The following GRIK2 variants were observed in gnomAD, a reference collection of about 807,000 sequenced individuals.
GRIK2 encodes glutamate ionotropic receptor kainate type subunit 2.
A neutral mutation model predicts 100.3 loss-of-function variants in GRIK2; 32 were observed. That is an observed-to-expected ratio of 0.32 (90% CI 0.24 to 0.43). The LOEUF is 0.43. Among genes scored for constraint, GRIK2 ranks in the 20% least tolerant of loss-of-function variants. GRIK2 has a pLI of 1.00. For synonymous variants in GRIK2, 417 were observed against 389.4 expected (o/e 1.07, Z -0.83); for missense variants, 843 against 1,114.9 (o/e 0.76, Z 3.47).
chr6:101,924,056 C>G (rs1424858379), intron 12 of GRIK2, among the ~76,000 whole-genome samples: 2 of 148,814 alleles, frequency 1.3e-5, no homozygotes, highest in African/African-American at 5.0e-5. Flanking sequence ...TTTTTTGTTT[C>G]TTTAGAGTTG....
chr6:101,428,552 G>A (rs910025878), intron 2 of GRIK2, among the ~76,000 whole-genome samples: 1 of 152,040 alleles, frequency 6.6e-6, no homozygotes, highest in Non-Finnish European at 1.5e-5. Flanking sequence ...TGGAAATGTT[G>A]ATTTAAAAAA....
At chr6:101,402,632 T>C (rs1208796748) in intron 2 of GRIK2, among the ~76,000 whole-genome samples, 1 of 152,202 alleles carries the variant, frequency 6.6e-6, no homozygotes, top group Non-Finnish European at 1.5e-5. Flanking sequence ...GATCCTGTGT[T>C]GGGACAACTT....
At chr6:101,582,276 C>T (rs555263805) in intron 2 of GRIK2, among the ~76,000 whole-genome samples, 22 of 152,066 alleles carry the variant, frequency 1.4e-4, no homozygotes, top group African/African-American at 4.8e-4. Context: ...CTTGTGTCCA[C>T]GTGTTCTCAT....
intron 9 of GRIK2, among the ~76,000 whole-genome samples, chr6:101,814,221 C>G (rs1781500171): frequency 6.6e-6 from 1 of 151,512 alleles, no homozygotes; most frequent in South Asian, 2.1e-4. Flanking sequence ...GTGAAAGGAG[C>G]AAGGCTAAAT....
At chr6:101,934,130 G>C (rs1790471873) in intron 14 of GRIK2, among the ~76,000 whole-genome samples, 1 of 151,776 alleles carries the variant, frequency 6.6e-6, no homozygotes, top group African/African-American at 2.4e-5. Context: ...TCATTTAACA[G>C]ATGAGGAAAC....
intron 11 of GRIK2, among the ~76,000 whole-genome samples, chr6:101,871,456 T>A (rs1308057163): frequency 6.6e-6 from 1 of 151,928 alleles, no homozygotes; most frequent in East Asian, 1.9e-4. Flanking sequence ...ATGCTGAAGT[T>A]TGGAGTGTGC....
intron 2 of GRIK2, among the ~76,000 whole-genome samples, chr6:101,579,755 G>A (rs1777977716): frequency 6.6e-6 from 1 of 151,628 alleles, no homozygotes; most frequent in Admixed American, 6.6e-5. Context: ...GGAGGCTGAG[G>A]CAGGAGAATC....
intron 7 of GRIK2, among the ~76,000 whole-genome samples, chr6:101,715,483 G>T (rs1314851978): frequency 5.3e-5 from 8 of 151,606 alleles, no homozygotes; most frequent in African/African-American, 1.9e-4. Flanking sequence ...CTTATCCAAA[G>T]TCATGGGGAC....
intron 16 of GRIK2, among the ~76,000 whole-genome samples, chr6:102,062,805 A>G (rs1771820431): frequency 6.6e-6 from 1 of 150,694 alleles, no homozygotes; most frequent in South Asian, 2.1e-4. Flanking sequence ...GAAAAAATTT[A>G]ACGGGTCACA....
At chr6:101,827,531 C>T (rs1339087747) in intron 10 of GRIK2, among the ~76,000 whole-genome samples, 1 of 151,332 alleles carries the variant, frequency 6.6e-6, no homozygotes, top group Non-Finnish European at 1.5e-5. Context: ...TCAGAAGAAC[C>T]ATTTCACATG....
At chr6:101,887,987 G>A (rs1042859913) in intron 11 of GRIK2, among the ~76,000 whole-genome samples, 5 of 152,074 alleles carry the variant, frequency 3.3e-5, no homozygotes, top group African/African-American at 1.2e-4. Flanking sequence ...ACAATTTTTA[G>A]TTTCTCCCTT....
chr6:101,553,386 T>C (rs1776600832), intron 2 of GRIK2, among the ~76,000 whole-genome samples: 1 of 152,212 alleles, frequency 6.6e-6, no homozygotes, highest in Non-Finnish European at 1.5e-5. Flanking sequence ...AATATTTTCT[T>C]TTGTATACAT....
chr6:101,759,435 G>A (rs1777343642), intron 7 of GRIK2, among the ~76,000 whole-genome samples: 1 of 152,134 alleles, frequency 6.6e-6, no homozygotes, highest in Non-Finnish European at 1.5e-5. Flanking sequence ...AGCAACTATT[G>A]AGTGTATAGA....
At chr6:101,398,159 G>T (rs1775090126) in intron 1 of GRIK2, among the ~76,000 whole-genome samples, 1 of 152,058 alleles carries the variant, frequency 6.6e-6, no homozygotes, top group African/African-American at 2.4e-5. Context: ...CTCATATTCT[G>T]CCTCTTTAGG....
intron 10 of GRIK2, among the ~76,000 whole-genome samples, chr6:101,841,926 T>C (rs1055476634): frequency 6.6e-6 from 1 of 152,094 alleles, no homozygotes; most frequent in African/African-American, 2.4e-5. Context: ...GCGAGTTGAA[T>C]GGAAAAATGG....
intron 1 of GRIK2, among the ~76,000 whole-genome samples, chr6:101,396,487 T>G (rs1775015065): frequency 6.6e-6 from 1 of 152,166 alleles, no homozygotes; most frequent in South Asian, 2.1e-4. Flanking sequence ...AATCTCACAA[T>G]TAATATAAGT....
chr6:101,922,271 GTCTC>G (rs1789604488), intron 12 of GRIK2, among the ~76,000 whole-genome samples: 1 of 151,794 alleles, frequency 6.6e-6, no homozygotes, highest in Admixed American at 6.6e-5. Context: ...CTACAACCAC[GTCTC>G]ATTCCTCTCA....
intron 7 of GRIK2, among the ~76,000 whole-genome samples, chr6:101,733,499 G>A (rs1386874856): frequency 6.6e-6 from 1 of 152,018 alleles, no homozygotes; most frequent in African/African-American, 2.4e-5. Context: ...GCATAATCCT[G>A]TCTTTATTCC....
intron 14 of GRIK2, among the ~76,000 whole-genome samples, chr6:101,948,548 T>C (rs1171589857): frequency 1.3e-5 from 2 of 148,512 alleles, no homozygotes; most frequent in African/African-American, 2.4e-5. Context: ...TAGTTTTATA[T>C]AGTTATATAT....
Sources: allele counts gnomAD v4.1 joint callset (sites outside exome capture counted in the v4.1 genomes callset), GRCh38; gene constraint gnomAD v4.1.1; transcripts MANE v1.5; gene names NCBI Gene and HGNC (gene_info 2026-07-23, HGNC 2026-07-21).